The following PTPRD variants were observed in gnomAD, a reference collection of about 807,000 sequenced individuals.
PTPRD encodes the protein protein tyrosine phosphatase receptor type D.
Under a neutral mutation model 214.5 loss-of-function variants are expected in PTPRD, and 34 were observed. The observed-to-expected ratio is 0.16, with a 90% CI of 0.12 to 0.21. PTPRD has a LOEUF of 0.21. Ranked by LOEUF, PTPRD falls within the 10% of genes least tolerant of loss-of-function variation. The probability of loss-of-function intolerance (pLI) is 1.00; values close to 1 mark genes in which losing one functional copy is unlikely to be tolerated. For missense variants in PTPRD, 2,545 were observed against 2,398.7 expected (o/e 1.06, Z -1.27); for synonymous variants, 1,128 against 845.7 (o/e 1.33, Z -5.79).
At chr9:10,419,997 G>GA (rs573043763) in intron 2 of PTPRD, among the ~76,000 whole-genome samples, 1 of 151,386 alleles carries the variant, frequency 6.6e-6, no homozygotes, top group African/African-American at 2.4e-5. Flanking sequence ...TTATTGATTG[G>GA]AAAAAAATAT....
intron 9 of PTPRD, among the ~76,000 whole-genome samples, chr9:9,361,477 A>G (rs1246814333): frequency 1.3e-5 from 2 of 151,064 alleles, no homozygotes; most frequent in African/African-American, 2.4e-5. Context: ...AGTGTTTTTT[A>G]AAATGCACCA....
intron 5 of PTPRD, among the ~76,000 whole-genome samples, chr9:9,828,812 G>A (rs1323200293): frequency 6.6e-6 from 1 of 151,340 alleles, no homozygotes; most frequent in Admixed American, 6.6e-5. Flanking sequence ...CTAGTTATTG[G>A]TAATTAAAAG....
At chr9:10,514,434 G>C (rs2049314813) in intron 2 of PTPRD, among the ~76,000 whole-genome samples, 1 of 150,922 alleles carries the variant, frequency 6.6e-6, no homozygotes, top group Non-Finnish European at 1.5e-5. Context: ...ATACACCATA[G>C]TTTGTTATAG....
chr9:10,496,589 C>A (rs1855854), intron 2 of PTPRD, among the ~76,000 whole-genome samples: 7 of 150,788 alleles, frequency 4.6e-5, no homozygotes, highest in African/African-American at 1.7e-4. Context: ...ATTAGCCTTC[C>A]CTTTTCTCTG....
At chr9:10,412,446 C>T (rs1367634603) in intron 2 of PTPRD, among the ~76,000 whole-genome samples, 1 of 151,540 alleles carries the variant, frequency 6.6e-6, no homozygotes, top group African/African-American at 2.4e-5. Context: ...AAAAAAAAAG[C>T]TTAGGACCAG....
chr9:10,320,070 A>C (rs1005943580), intron 3 of PTPRD, among the ~76,000 whole-genome samples: 6 of 152,034 alleles, frequency 3.9e-5, no homozygotes, highest in African/African-American at 7.2e-5. Flanking sequence ...AAATTCTAAA[A>C]TCTTTACATG....
At chr9:8,711,373 C>G (rs117927477) in intron 12 of PTPRD, among the ~76,000 whole-genome samples, 1 of 151,988 alleles carries the variant, frequency 6.6e-6, no homozygotes, top group Non-Finnish European at 1.5e-5. Flanking sequence ...TCTATCATGA[C>G]TACTTAAACC....
intron 12 of PTPRD, among the ~76,000 whole-genome samples, chr9:8,656,844 T>G (rs1481611724): frequency 6.6e-6 from 1 of 152,194 alleles, no homozygotes; most frequent in African/African-American, 2.4e-5. Context: ...AGTGACAAAC[T>G]AGCTGATATG....
intron 3 of PTPRD, among the ~76,000 whole-genome samples, chr9:10,123,576 T>C (rs1397763193): frequency 1.3e-5 from 2 of 152,158 alleles, no homozygotes; most frequent in East Asian, 1.9e-4. Context: ...ATATAACTAC[T>C]GACAAAAGTG....
At chr9:9,361,716 G>A (rs1569567717) in intron 9 of PTPRD, among the ~76,000 whole-genome samples, 1 of 151,038 alleles carries the variant, frequency 6.6e-6, no homozygotes, top group African/African-American at 2.4e-5. Flanking sequence ...AGTCACTCTA[G>A]TGTGGTCTTG....
At chr9:10,319,125 G>C (rs1347426571) in intron 3 of PTPRD, among the ~76,000 whole-genome samples, 1 of 152,056 alleles carries the variant, frequency 6.6e-6, no homozygotes, top group East Asian at 1.9e-4. Context: ...CTATTGGCAA[G>C]ACACCACCAG....
intron 7 of PTPRD, among the ~76,000 whole-genome samples, chr9:9,593,213 G>C (rs1295804868): frequency 1.3e-5 from 2 of 148,244 alleles, no homozygotes; most frequent in Non-Finnish European, 1.5e-5. Context: ...TTTTGTTTTT[G>C]TTTTTCCCCC....
chr9:8,625,625 T>C (rs1201009678), intron 14 of PTPRD, among the ~76,000 whole-genome samples: 1 of 151,332 alleles, frequency 6.6e-6, no homozygotes, highest in Non-Finnish European at 1.5e-5. Context: ...GTGAGAAAAA[T>C]CTCAATAGTG....
intron 4 of PTPRD, among the ~76,000 whole-genome samples, chr9:9,959,337 G>C (rs2094182983): frequency 6.6e-6 from 1 of 152,120 alleles, no homozygotes; most frequent in South Asian, 2.1e-4. Context: ...AGAGCCTCGA[G>C]AGGAAGGAAG....
At chr9:9,349,757 G>GTTT (rs60320413) in intron 9 of PTPRD, among the ~76,000 whole-genome samples, 19 of 147,278 alleles carry the variant, frequency 1.3e-4, no homozygotes, top group African/African-American at 4.4e-4. Flanking sequence ...CCCATCACAT[G>GTTT]TTTTTTTTTT....
At chr9:10,601,596 C>G (rs150269831) in intron 2 of PTPRD, among the ~76,000 whole-genome samples, 1 of 151,596 alleles carries the variant, frequency 6.6e-6, no homozygotes, top group East Asian at 1.9e-4. Context: ...GACTACAAAA[C>G]AAAAACTTTG....
intron 31 of PTPRD, among the ~76,000 whole-genome samples, chr9:8,468,810 A>AT (rs1025839770): frequency 6.6e-6 from 1 of 151,474 alleles, no homozygotes; most frequent in Non-Finnish European, 1.5e-5. Flanking sequence ...AAAAAAAAAA[A>AT]AAAAAAACTC....
At chr9:10,088,250 C>G (rs2154195673) in intron 3 of PTPRD, among the ~76,000 whole-genome samples, 1 of 151,744 alleles carries the variant, frequency 6.6e-6, no homozygotes, top group South Asian at 2.1e-4. Context: ...TGTATTGTAC[C>G]AGTAGGAAAT....
At chr9:8,593,942 A>G (rs751497894) in intron 14 of PTPRD, among the ~76,000 whole-genome samples, 6 of 152,218 alleles carry the variant, frequency 3.9e-5, no homozygotes, top group Non-Finnish European at 8.8e-5. Context: ...GGTCTTTCCC[A>G]GTAGGATACA....
Sources: allele counts gnomAD v4.1 joint callset (sites outside exome capture counted in the v4.1 genomes callset), GRCh38; gene constraint gnomAD v4.1.1; transcripts MANE v1.5; gene names NCBI Gene and HGNC (gene_info 2026-07-23, HGNC 2026-07-21).